The following ERBB4 variants were observed in gnomAD, a reference collection of about 807,000 sequenced individuals.
ERBB4 encodes the protein erb-b2 receptor tyrosine kinase 4, also known as receptor tyrosine-protein kinase erbB-4.
Under a neutral mutation model 158.0 loss-of-function variants are expected in ERBB4, and 42 were observed. The ratio of observed to expected loss-of-function variants is 0.27; its 90% confidence interval spans 0.21 to 0.34. The LOEUF is 0.34. Ranked by LOEUF, ERBB4 falls within the 10% of genes least tolerant of loss-of-function variation. The pLI, the probability that ERBB4 is intolerant of heterozygous loss-of-function variation, is 1.00. For synonymous variants in ERBB4, 583 were observed against 558.7 expected, an observed-to-expected ratio of 1.04 and a Z score of -0.61; for missense variants, 1,333 against 1,624.1, an observed-to-expected ratio of 0.82 and a Z score of 3.08.
At chr2:211,666,600 T>G (rs899752133) in intron 14 of ERBB4, among the ~76,000 whole-genome samples, 1 of 152,198 alleles carries the variant, frequency 6.6e-6, no homozygotes, top group African/African-American at 2.4e-5. Context: ...TAGAACACTT[T>G]GGTAAATGCT....
At chr2:211,630,361 T>C in intron 17 of ERBB4, 101 bp downstream of exon 17, 1 of 1,381,246 alleles carries the variant, frequency 7.2e-7, no homozygotes, top group Non-Finnish European at 1.0e-6. Flanking sequence ...ATTAGGACAC[T>C]GAACAGAATT....
intron 3 of ERBB4, among the ~76,000 whole-genome samples, chr2:211,909,801 A>G (rs372062830): frequency 1.6e-4 from 24 of 151,884 alleles, no homozygotes; most frequent in African/African-American, 5.1e-4. Flanking sequence ...CCATTTAAAT[A>G]CTCGATGTGA....
intron 1 of ERBB4, among the ~76,000 whole-genome samples, chr2:212,368,134 T>A (rs1364280473): frequency 4.6e-5 from 7 of 152,144 alleles, no homozygotes; most frequent in Non-Finnish European, 1.0e-4. Flanking sequence ...CACACACGTT[T>A]ACAGTGGCAC....
intron 2 of ERBB4, among the ~76,000 whole-genome samples, chr2:212,042,657 T>C (rs1474429642): frequency 6.6e-6 from 1 of 152,064 alleles, no homozygotes; most frequent in Non-Finnish European, 1.5e-5. Flanking sequence ...GTGGTTTTAG[T>C]ATGCTTTTTT....
intron 17 of ERBB4, among the ~76,000 whole-genome samples, chr2:211,627,447 C>T (rs1031981769): frequency 1.3e-5 from 2 of 152,224 alleles, no homozygotes; most frequent in Non-Finnish European, 2.9e-5. Flanking sequence ...TGAGACAGCT[C>T]ATTCCAATTG....
At chr2:212,214,654 G>T (rs1397948293) in intron 1 of ERBB4, among the ~76,000 whole-genome samples, 1 of 142,446 alleles carries the variant, frequency 7.0e-6, no homozygotes, top group Non-Finnish European at 1.5e-5. Flanking sequence ...ATTGCTGATG[G>T]AAGTGTAAAT....
intron 2 of ERBB4, among the ~76,000 whole-genome samples, chr2:212,060,997 A>C (rs1324572945): frequency 2.0e-5 from 3 of 151,566 alleles, no homozygotes; most frequent in Non-Finnish European, 2.9e-5. Context: ...AAATAAAATA[A>C]AAAAGTAAAT....
At chr2:211,621,193 A>C (rs1399249959) in intron 18 of ERBB4, among the ~76,000 whole-genome samples, 1 of 151,948 alleles carries the variant, frequency 6.6e-6, no homozygotes, top group East Asian at 1.9e-4. Context: ...TAAAATAAAT[A>C]TTTATTAAAT....
intron 1 of ERBB4, among the ~76,000 whole-genome samples, chr2:212,298,370 A>G (rs1166093190): frequency 6.6e-6 from 1 of 151,846 alleles, no homozygotes; most frequent in African/African-American, 2.4e-5. Context: ...CATATTTGCT[A>G]TTTTCTAACT....
At chr2:211,734,620 TAA>T (rs34036811) in intron 5 of ERBB4, among the ~76,000 whole-genome samples, 64 of 102,306 alleles carry the variant, frequency 6.3e-4, no homozygotes, top group African/African-American at 1.9e-3. Flanking sequence ...GCTGTAGCAT[TAA>T]AAAAAAAAAA....
intron 1 of ERBB4, among the ~76,000 whole-genome samples, chr2:212,406,924 C>T (rs2091362535): frequency 6.6e-6 from 1 of 152,018 alleles, no homozygotes; most frequent in African/African-American, 2.4e-5. Flanking sequence ...CTTTCAACAC[C>T]TACTTCAGTC....
intron 3 of ERBB4, among the ~76,000 whole-genome samples, chr2:211,812,634 C>T (rs1364180948): frequency 6.6e-6 from 1 of 152,228 alleles, no homozygotes. Flanking sequence ...TCCAGCTATG[C>T]CCTGCCCCCA....
chr2:212,194,068 C>T (rs547909282), intron 1 of ERBB4, among the ~76,000 whole-genome samples: 1 of 152,108 alleles, frequency 6.6e-6, no homozygotes, highest in East Asian at 1.9e-4. Context: ...TAAGATGTCT[C>T]TTGCATTTGC....
intron 20 of ERBB4, among the ~76,000 whole-genome samples, chr2:211,539,780 G>C (rs2066749612): frequency 6.6e-6 from 1 of 151,908 alleles, no homozygotes; most frequent in Non-Finnish European, 1.5e-5. Context: ...AATACAAAGG[G>C]AGGTTTTTTT....
At chr2:212,273,835 G>T (rs1574572227) in intron 1 of ERBB4, among the ~76,000 whole-genome samples, 1 of 151,746 alleles carries the variant, frequency 6.6e-6, no homozygotes. Flanking sequence ...ACTTGTCAGA[G>T]GTCACATAGT....
At position 212,291,377 on chromosome 2, in the gene ERBB4, A is replaced by G. The variant is rs548576854; in HGVS notation, c.83-166474T>C. 4.7e-4 allele frequency among the ~76,000 whole-genome samples: 71 copies of G among 152,264 alleles called. 2 individuals are homozygous for G. Among genetic ancestry groups the G allele is most frequent in the Admixed American group, 1.8e-3 (28 of 15,278 alleles). ...TGAATATATTTTAATCAGCTTTAGCATAATCCTATCATGTATTTTAAAAAG... is the reference window on the plus strand; with the variant it reads ...TGAATATATTTTAATCAGCTTTAGCGTAATCCTATCATGTATTTTAAAAAG... On this transcript the variant is annotated intron_variant, in intron 1 of 27. Transcript: ENST00000342788.
At chr2:212,002,116 C>G (rs2076119560) in intron 2 of ERBB4, among the ~76,000 whole-genome samples, 1 of 152,158 alleles carries the variant, frequency 6.6e-6, no homozygotes, top group African/African-American at 2.4e-5. Context: ...TCAATGTTCA[C>G]TTTCCCACTT....
intron 1 of ERBB4, among the ~76,000 whole-genome samples, chr2:212,363,010 A>T (rs895449987): frequency 6.6e-6 from 1 of 151,468 alleles, no homozygotes; most frequent in Non-Finnish European, 1.5e-5. Context: ...TACTGATTGT[A>T]TACAATATAC....
chr2:211,899,018 C>A (rs1252169461), intron 3 of ERBB4, among the ~76,000 whole-genome samples: 1 of 152,070 alleles, frequency 6.6e-6, no homozygotes, highest in Non-Finnish European at 1.5e-5. Flanking sequence ...AATGTTTTGC[C>A]CAGTACCTTA....
Sources: gnomAD v4.1 joint callset for allele counts (sites outside exome capture counted in the v4.1 genomes callset) on GRCh38, gnomAD v4.1.1 for gene constraint, MANE v1.5 for transcripts, NCBI Gene and HGNC (gene_info 2026-07-23, HGNC 2026-07-21) for gene names.